The following PCDHA3 variants were observed in gnomAD, a reference collection of about 807,000 sequenced individuals.
PCDHA3 encodes protocadherin alpha 3, also known as protocadherin alpha-3.
In PCDHA3, 41 loss-of-function variants were observed where a neutral mutation model predicts 62.2. The observed-to-expected ratio is 0.66, with a 90% CI of 0.51 to 0.86. The LOEUF is 0.86. Ranked by LOEUF, PCDHA3 falls within the 40% of genes least tolerant of loss-of-function variation. The pLI is 0.00. For synonymous variants in PCDHA3, 640 were observed against 555.4 expected, an observed-to-expected ratio of 1.15 and a Z score of -2.14; for missense variants, 1,304 against 1,241.2, an observed-to-expected ratio of 1.05 and a Z score of -0.76.
chr5:140,915,262 T>G (rs539637990), intron 1 of PCDHA3, among the ~76,000 whole-genome samples: 1 of 152,290 alleles, frequency 6.6e-6, no homozygotes, highest in Admixed American at 6.5e-5. Context: ...GTTATTATTT[T>G]TGACCAGTTC....
chr5:140,919,763 A>T (rs2079297949), intron 1 of PCDHA3, among the ~76,000 whole-genome samples: 2 of 152,090 alleles, frequency 1.3e-5, no homozygotes, highest in African/African-American at 4.8e-5. Flanking sequence ...TGCCTTTTGT[A>T]TTACTGTTAC....
intron 1 of PCDHA3, chr5:140,858,397 CG>C (rs1314612729): frequency 2.5e-6 from 4 of 1,573,068 alleles, no homozygotes; most frequent in African/African-American, 2.7e-5. Context: ...TAGATGTGGA[CG>C]GGGAAGATCA....
intron 1 of PCDHA3, chr5:140,843,207 G>A (rs1778678462): frequency 1.3e-6 from 2 of 1,595,886 alleles, no homozygotes; most frequent in Admixed American, 1.7e-5. Flanking sequence ...CTGTACACGG[G>A]CGAGATCAGC....
intron 1 of PCDHA3, chr5:140,804,072 G>T: frequency 6.2e-6 from 1 of 160,592 alleles, no homozygotes. Flanking sequence ...TCCACCTTCA[G>T]TTTCAAAAAT....
chr5:140,906,075 C>A (rs2153492820), intron 1 of PCDHA3, among the ~76,000 whole-genome samples: 1 of 152,246 alleles, frequency 6.6e-6, no homozygotes, highest in African/African-American at 2.4e-5. Context: ...TAGATCGCAC[C>A]CACCCAGACT....
intron 1 of PCDHA3, chr5:140,856,279 T>A (rs1554148476): frequency 1.3e-6 from 2 of 1,598,260 alleles, no homozygotes; most frequent in East Asian, 2.2e-5. Flanking sequence ...TGGAGGTAAA[T>A]CTGCAGAATG....
chr5:140,987,214 A>G (rs78124050), intron 3 of PCDHA3, among the ~76,000 whole-genome samples: 3 of 131,916 alleles, frequency 2.3e-5, no homozygotes, highest in Admixed American at 2.2e-4. Context: ...ACTCCATCTC[A>G]AAAAAAAAAA....
chr5:140,887,197 C>T (rs1348316837), intron 1 of PCDHA3, among the ~76,000 whole-genome samples: 1 of 151,678 alleles, frequency 6.6e-6, no homozygotes, highest in Non-Finnish European at 1.5e-5. Flanking sequence ...CCCGGGTTCA[C>T]GCCATTCTCC....
At chr5:140,826,604 A>T (rs2150144366) in intron 1 of PCDHA3, among the ~76,000 whole-genome samples, 7 of 152,290 alleles carry the variant, frequency 4.6e-5, no homozygotes, top group African/African-American at 1.4e-4. Flanking sequence ...AGGTTAAATT[A>T]AGGGCGAAGT....
rs782715241 is a variant in PCDHA3 at position 140,803,300 on chromosome 5, C to A, written c.2103C>A (p.Ile701=). The A allele has an allele frequency of 1.6e-5, 26 of 1,613,996 alleles. No homozygotes were observed. The South Asian group carries it at 2.4e-4, about 15-fold the overall frequency. ...AALVDVNVYL[I]VAICAVSSLL... is the part of the protein sequence containing the mutation. ...TGGTGGATGTCAACGTGTACTTGAT[C>A]GTCGCCATCTGCGCGGTGTCCAGTC... is the stretch of plus-strand genomic sequence containing the variant. Residue 701 remains isoleucine (I), a synonymous_variant, in exon 1 of 4, where the codon ATC becomes ATA. Transcript: ENST00000522353.
In PCDHA3 at chr5:140,835,236, G is replaced by A. The variant is rs1307272356; in HGVS notation, c.2394+31645G>A. The A allele has an allele frequency of 6.9e-6, 11 of 1,599,722 alleles. 1 individual carries two copies. The highest frequency in any genetic ancestry group is 9.4e-6 in the Non-Finnish European group (11 of 1,173,316). On this transcript the variant is annotated intron_variant, in intron 1 of 3. Coordinates refer to ENST00000522353, the MANE Select transcript of PCDHA3 (RefSeq NM_018906.3). The stretch of plus-strand genomic sequence containing the variant: ...TATTATTTACTCCTTCTCCAGTGAT[G>A]TTTCTCCAGATATAAAATCCAAGTT...
Position 140,836,254 on chromosome 5 carries a change from T to C in PCDHA3, c.2394+32663T>C, listed in dbSNP as rs1644784516. ...GCCGGTGCGAGCATCCCGTTCCGCG[T>C]GGGGCTGTACACTGGTGAGATCAGC... On this transcript the variant is annotated intron_variant, in intron 1 of 3. Transcript: ENST00000522353. 7 of 1,613,670 alleles carry C rather than the reference T, an allele frequency of 4.3e-6. No individual in the cohort carries two copies. Among genetic ancestry groups the C allele is most frequent in the Non-Finnish European group, 5.1e-6 (6 of 1,179,780 alleles).
chr5:140,869,779 G>A (rs1554163444), intron 1 of PCDHA3: 4 of 1,612,766 alleles, frequency 2.5e-6, no homozygotes, highest in Non-Finnish European at 3.4e-6. Flanking sequence ...TACTGGCACC[G>A]TTCGGCTGTT....
At chr5:140,980,440 G>A (rs1317929590) in intron 2 of PCDHA3, among the ~76,000 whole-genome samples, 1 of 152,144 alleles carries the variant, frequency 6.6e-6, no homozygotes, top group African/African-American at 2.4e-5. Flanking sequence ...GACCATCCTG[G>A]ACAACACGGT....
At chr5:140,891,007 G>A (rs1228475433) in intron 1 of PCDHA3, among the ~76,000 whole-genome samples, 7 of 152,030 alleles carry the variant, frequency 4.6e-5, no homozygotes, top group African/African-American at 7.3e-5. Context: ...TTATTGAAAA[G>A]CATTTTTTCT....
intron 1 of PCDHA3, among the ~76,000 whole-genome samples, chr5:140,938,157 G>A (rs532966795): frequency 6.6e-6 from 1 of 151,904 alleles, no homozygotes; most frequent in East Asian, 1.9e-4. Context: ...CATTGCCCAG[G>A]CTAGTCTGGA....
intron 1 of PCDHA3, among the ~76,000 whole-genome samples, chr5:140,921,909 CATG>C (rs1554200522): frequency 6.6e-6 from 1 of 151,678 alleles, no homozygotes; most frequent in Non-Finnish European, 1.5e-5. Context: ...ATATATATTA[CATG>C]ATAAAACTTA....
At chr5:140,920,565 G>A (rs1225212458) in intron 1 of PCDHA3, among the ~76,000 whole-genome samples, 27 of 152,152 alleles carry the variant, frequency 1.8e-4, no homozygotes, top group Admixed American at 1.6e-3. Context: ...TGGCCCTTAG[G>A]CCAGGAGCAG....
chr5:140,845,791 T>C (rs1780035450), intron 1 of PCDHA3, among the ~76,000 whole-genome samples: 1 of 149,740 alleles, frequency 6.7e-6, no homozygotes, highest in Admixed American at 6.7e-5. Flanking sequence ...AATAATAAAC[T>C]CTGGCAAGTG....
Sources: gnomAD v4.1 joint callset for allele counts (sites outside exome capture counted in the v4.1 genomes callset) on GRCh38, gnomAD v4.1.1 for gene constraint, MANE v1.5 for transcripts, NCBI Gene and HGNC (gene_info 2026-07-23, HGNC 2026-07-21) for gene names.